Variants in DMXL1 observed in about 807,000 individuals in gnomAD.
The protein encoded by DMXL1 is Dmx like 1, also known as dmX-like protein 1.
DMXL1 carries 99 observed loss-of-function variants against 319.2 expected under a neutral mutation model. The ratio of observed to expected loss-of-function variants is 0.31; its 90% CI spans 0.26 to 0.37. DMXL1 has a LOEUF of 0.37. Among genes scored for constraint, DMXL1 ranks in the 10% least tolerant of loss-of-function variants. DMXL1 has a pLI of 1.00. For missense variants in DMXL1, 3,745 were observed against 3,595.6 expected (o/e 1.04, Z -1.06); for synonymous variants, 1,385 against 1,235.2 (o/e 1.12, Z -2.54).
intron 13 of DMXL1, among the ~76,000 whole-genome samples, chr5:119,135,440 A>T (rs1765778905): frequency 6.6e-6 from 1 of 152,200 alleles, no homozygotes; most frequent in Admixed American, 6.5e-5. Context: ...TGGGAACTAG[A>T]TACGTAGATA....
intron 19 of DMXL1, among the ~76,000 whole-genome samples, chr5:119,157,633 A>G (rs1771398313): frequency 6.6e-6 from 1 of 152,174 alleles, no homozygotes; most frequent in African/African-American, 2.4e-5. Context: ...TTGAGTATAA[A>G]TGTATGGGTT....
At chr5:119,204,722 G>A (rs777279274) in intron 33 of DMXL1, among the ~76,000 whole-genome samples, 2 of 152,148 alleles carry the variant, frequency 1.3e-5, no homozygotes, top group Admixed American at 1.3e-4. Flanking sequence ...TCCTGGACTG[G>A]TAACGAAGAG....
At position 119,107,301 on chromosome 5, in the gene DMXL1, A is replaced by G. The variant is rs145309220; in HGVS notation, c.364+2043A>G. Among the ~76,000 whole-genome samples the G allele has an allele frequency of 3.1e-3, 475 of 152,162 alleles. 5 individuals carry two copies. The highest frequency in any genetic ancestry group is 0.021 in the Admixed American group (316 of 15,278). On this transcript the variant is annotated intron_variant, in intron 4 of 43. Coordinates refer to ENST00000539542, the MANE Select transcript of DMXL1 (RefSeq NM_001290321.3). ...GGCTGCAGTGAGCCATGATTGTGCT[A>G]CTGCTTTCTAGCCTGGGTGACAGAG...
chr5:119,088,937 T>A (rs1181586050), intron 1 of DMXL1, among the ~76,000 whole-genome samples: 1 of 152,122 alleles, frequency 6.6e-6, no homozygotes, highest in Non-Finnish European at 1.5e-5. Context: ...TTCTTCTAGA[T>A]TTGTCTGTGA....
At chr5:119,127,913 CA>C in intron 9 of DMXL1, 1 of 360,062 alleles carries the variant, frequency 2.8e-6, no homozygotes, top group Non-Finnish European at 5.6e-6. Context: ...CTTTTTCAAG[CA>C]AAAGCTTCAT....
chr5:119,173,698 G>GTGTGTGTGTGTGTGTGTA (rs1416089635), intron 25 of DMXL1, among the ~76,000 whole-genome samples: 5 of 55,856 alleles, frequency 9.0e-5, no homozygotes, highest in African/African-American at 2.0e-4. Flanking sequence ...GTGTGTGTGT[G>GTGTGTGTGTGTGTGTGTA]TATATATATA....
intron 19 of DMXL1, among the ~76,000 whole-genome samples, chr5:119,159,239 T>C (rs1305896661): frequency 6.6e-6 from 1 of 152,068 alleles, no homozygotes; most frequent in African/African-American, 2.4e-5. Flanking sequence ...TTCAGGTGAT[T>C]CTCCTACTTC....
chr5:119,180,552 T>A (rs113474086), intron 28 of DMXL1, among the ~76,000 whole-genome samples: 6,845 of 152,288 alleles, frequency 0.045, 224 homozygotes, highest in South Asian at 0.072. Context: ...AGATTTCATA[T>A]GCAAATTTAC....
At chr5:119,143,955 G>A in intron 14 of DMXL1, 25 bp downstream of exon 14, 1 of 1,426,152 alleles carries the variant, frequency 7.0e-7, no homozygotes, top group Non-Finnish European at 9.5e-7. Context: ...TGGGGGGGAG[G>A]TATATTAAAA....
chr5:119,161,950 C>T (rs115132188), intron 19 of DMXL1, among the ~76,000 whole-genome samples: 244 of 152,328 alleles, frequency 1.6e-3, no homozygotes, highest in African/African-American at 5.4e-3. Flanking sequence ...AGGTCTACCT[C>T]CTTTCTTTGT....
At chr5:119,228,114 T>C (rs1785939545) in intron 38 of DMXL1, among the ~76,000 whole-genome samples, 1 of 152,244 alleles carries the variant, frequency 6.6e-6, no homozygotes, top group Admixed American at 6.5e-5. Flanking sequence ...TTAATTCTTG[T>C]TCGACTTGAT....
chr5:119,212,069 A>G (rs142247210), intron 34 of DMXL1, among the ~76,000 whole-genome samples: 101 of 152,332 alleles, frequency 6.6e-4, no homozygotes, highest in Non-Finnish European at 1.2e-3. Context: ...ATAACATAAA[A>G]GTTACCATTT....
At position 119,216,174 on chromosome 5, in the gene DMXL1, AT is replaced by A. The variant is rs558724521; in HGVS notation, c.7927-725del. The stretch of plus-strand genomic sequence containing the variant: ...TATTAGGCAACATTTCAACTCTTTA[AT>A]TGCCTCCTCTTTTCTGCTTATTTTA... On this transcript the variant is annotated intron_variant, in intron 34 of 43. Transcript: ENST00000539542. 2.7e-5 allele frequency among the ~76,000 whole-genome samples: 4 copies of A among 150,518 alleles called. No individual in the cohort carries two copies. The East Asian group carries it at 7.8e-4, about 29-fold the overall frequency.
At chr5:119,229,412 A>G (rs1022224694) in intron 38 of DMXL1, among the ~76,000 whole-genome samples, 1 of 152,168 alleles carries the variant, frequency 6.6e-6, no homozygotes, top group African/African-American at 2.4e-5. Context: ...TGTACTTCTG[A>G]TATTAAGGCT....
chr5:119,158,622 G>A (rs1771609050), intron 19 of DMXL1, among the ~76,000 whole-genome samples: 1 of 152,158 alleles, frequency 6.6e-6, no homozygotes, highest in Non-Finnish European at 1.5e-5. Context: ...CTCTGGGCTT[G>A]TCATTTATGG....
chr5:119,214,420 T>C (rs879860075), intron 34 of DMXL1, among the ~76,000 whole-genome samples: 1 of 152,214 alleles, frequency 6.6e-6, no homozygotes, highest in African/African-American at 2.4e-5. Flanking sequence ...TCAAACCCTT[T>C]ATGTTTTATC....
chr5:119,218,426 A>AT lies in DMXL1; in HGVS notation c.8013+1442dup, dbSNP rs1310855330. Among the ~76,000 whole-genome samples, 4 of 151,850 alleles carry AT rather than the reference A, an allele frequency of 2.6e-5. 1 individual carries two copies. Among genetic ancestry groups the AT allele is most frequent in the Admixed American group, 2.6e-4 (4 of 15,260 alleles). ...TTATTTCCCCAGATTTGCTATTTTTATTTATTTTATTTTATTTTATTTTAC... is the reference window on the plus strand; with the variant it reads ...TTATTTCCCCAGATTTGCTATTTTTATTTTATTTTATTTTATTTTATTTTAC... On this transcript the variant is annotated intron_variant, in intron 35 of 43. Coordinates refer to ENST00000539542, the MANE Select transcript of DMXL1 (RefSeq NM_001290321.3).
intron 10 of DMXL1, among the ~76,000 whole-genome samples, chr5:119,131,191 T>A (rs747750881): frequency 5.3e-5 from 8 of 152,094 alleles, no homozygotes; most frequent in African/African-American, 1.7e-4. Context: ...ATATCTTGAC[T>A]TACTTTTTAA....
At chr5:119,124,303 G>A (rs1762990417) in intron 9 of DMXL1, among the ~76,000 whole-genome samples, 1 of 148,742 alleles carries the variant, frequency 6.7e-6, no homozygotes, top group Admixed American at 6.7e-5. Flanking sequence ...GGGTGGCAGA[G>A]CGAGACTCCA....
Sources: gnomAD v4.1 joint callset for allele counts (sites outside exome capture counted in the v4.1 genomes callset) on GRCh38, gnomAD v4.1.1 for gene constraint, MANE v1.5 for transcripts, NCBI Gene and HGNC (gene_info 2026-07-23, HGNC 2026-07-21) for gene names.